The following METTL14 variants were observed in gnomAD, a reference collection of about 807,000 sequenced individuals.
METTL14 encodes N(6)-adenosine-methyltransferase non-catalytic subunit METTL14.
METTL14 carries 32 observed loss-of-function variants against 62.4 expected under a neutral mutation model. The observed-to-expected ratio is 0.51, with a 90% CI of 0.39 to 0.69. The LOEUF (loss-of-function observed/expected upper bound fraction) is 0.69. Among genes scored for constraint, METTL14 ranks in the 30% least tolerant of loss-of-function variants. The pLI is 0.00. For synonymous variants in METTL14, 150 were observed against 180.0 expected (o/e 0.83, Z 1.34); for missense variants, 340 against 551.9 (o/e 0.62, Z 3.85).
At chr4:118,696,900 T>A (rs1022815009) in intron 6 of METTL14, among the ~76,000 whole-genome samples, 12 of 152,140 alleles carry the variant, frequency 7.9e-5, no homozygotes, top group African/African-American at 2.9e-4. Context: ...GAATATATTC[T>A]GGGTGTACAT....
chr4:118,689,954 T>C (rs1263518822), intron 3 of METTL14, among the ~76,000 whole-genome samples: 2 of 148,914 alleles, frequency 1.3e-5, no homozygotes, highest in Non-Finnish European at 3.0e-5. Context: ...CTTATCTTAA[T>C]GCAAGAGTTA....
intron 10 of METTL14, among the ~76,000 whole-genome samples, chr4:118,707,907 C>A (rs148052703): frequency 2.0e-5 from 3 of 150,814 alleles, no homozygotes; most frequent in African/African-American, 7.3e-5. Flanking sequence ...GATCTTGGCT[C>A]ACTGCAACCC....
intron 6 of METTL14, 78 bp downstream of exon 6, chr4:118,694,604 T>C: frequency 9.5e-7 from 1 of 1,047,754 alleles, no homozygotes; most frequent in Non-Finnish European, 1.5e-6. Context: ...TAACCTTTTT[T>C]CTTCTTCCTA....
chr4:118,697,194 C>CT lies in METTL14; in HGVS notation c.516_517insT (p.Asp173Ter). ...TTTAATCAAATAGGTACTTACAAGC[C>CT]GATATAGAAGCCTTTGACATCAGAG... On this transcript the variant is annotated frameshift_variant, in exon 7 of 11. Transcript: ENST00000388822. LOFTEE classifies it high-confidence loss of function. 1.3e-6 allele frequency: 2 copies of CT among 1,597,170 alleles called. No individual in the cohort carries two copies. Among genetic ancestry groups the CT allele is most frequent in the Non-Finnish European group, 1.7e-6 (2 of 1,174,944 alleles).
At chr4:118,689,195 G>A (rs746033719) in intron 2 of METTL14, among the ~76,000 whole-genome samples, 175 bp from the exon 3 acceptor site, 57 of 152,080 alleles carry the variant, frequency 3.7e-4, no homozygotes, top group Non-Finnish European at 6.8e-4. Context: ...ATGAAACACA[G>A]AATTATCAAT....
At position 118,687,538 on chromosome 4, in the gene METTL14, G is replaced by C. The variant is rs1046560822; in HGVS notation, c.67-385G>C. 2.4e-4 allele frequency among the ~76,000 whole-genome samples: 36 copies of C among 152,198 alleles called. 1 individual carries two copies. The highest frequency in any genetic ancestry group is 1.3e-4 in the Non-Finnish European group (9 of 68,038). On this transcript the variant is annotated intron_variant, in intron 1 of 10. Transcript: ENST00000388822. Reference sequence around the variant, plus strand: ...AGGCTGCTCATTGACTTACGGTGGAGTTGTGTTCTGATAAACCCATCATAA... The same window carrying C: ...AGGCTGCTCATTGACTTACGGTGGACTTGTGTTCTGATAAACCCATCATAA...
intron 3 of METTL14, among the ~76,000 whole-genome samples, chr4:118,690,396 G>A (rs960283723): frequency 6.6e-6 from 1 of 151,806 alleles, no homozygotes; most frequent in African/African-American, 2.4e-5. Context: ...CATAAACCTT[G>A]GGCCCAGTGT....
At chr4:118,685,675 G>A in intron 1 of METTL14, 75 bp downstream of exon 1, 11 of 1,275,606 alleles carry the variant, frequency 8.6e-6, no homozygotes, top group Non-Finnish European at 1.1e-5. Context: ...TCCACACCCC[G>A]CCTTTTTCTG....
chr4:118,700,210 T>C (rs1285522099), intron 7 of METTL14, among the ~76,000 whole-genome samples: 1 of 152,146 alleles, frequency 6.6e-6, no homozygotes, highest in African/African-American at 2.4e-5. Flanking sequence ...CTTCATTCTT[T>C]TTCAGTAAAT....
intron 9 of METTL14, 29 bp downstream of exon 9, chr4:118,704,080 A>G (rs1286263344): frequency 1.3e-5 from 18 of 1,341,072 alleles, no homozygotes; most frequent in Non-Finnish European, 1.8e-5. Context: ...TGTTTTTTTT[A>G]ATTTTTGTGA....
chr4:118,713,569 G>C lies in METTL14; in HGVS notation c.*3267G>C, dbSNP rs1397897747. On this transcript the variant is annotated 3_prime_UTR_variant, in exon 11 of 11. Coordinates refer to ENST00000388822, the MANE Select transcript of METTL14 (RefSeq NM_020961.4). ...GGACTTAGTCTAAACAGTAGTCTTT[G>C]ATCTGAAAGTGTCTCATATTTTGTG... 6.6e-6 allele frequency: 1 copy of C among 152,166 alleles called. No homozygotes were observed. The highest frequency in any genetic ancestry group is 1.5e-5 in the Non-Finnish European group (1 of 68,024). 9.4% of individuals were successfully genotyped at this position (152,166 alleles called of 1,614,324 possible).
intron 1 of METTL14, among the ~76,000 whole-genome samples, chr4:118,686,957 C>T (rs1024531607): frequency 1.3e-5 from 2 of 152,092 alleles, no homozygotes; most frequent in Admixed American, 6.5e-5. Flanking sequence ...ATTTATGTTA[C>T]CATTTTAAGG....
At chr4:118,709,780 A>G (rs1252155846) in intron 10 of METTL14, among the ~76,000 whole-genome samples, 1 of 152,198 alleles carries the variant, frequency 6.6e-6, no homozygotes, top group East Asian at 1.9e-4. Flanking sequence ...TGAGGAGGAT[A>G]TATTACAAAA....
At chr4:118,699,963 G>A (rs1228103251) in intron 7 of METTL14, among the ~76,000 whole-genome samples, 1 of 151,730 alleles carries the variant, frequency 6.6e-6, no homozygotes, top group African/African-American at 2.4e-5. Context: ...TGGTCATTGT[G>A]TTTTACTTAA....
In METTL14 at chr4:118,687,894, A is replaced by G. The variant is rs567647539; in HGVS notation, c.67-29A>G. ...CAGAAAGGCTATCCAGTGCATTGCAATCTAATTTCTGATTTTGTCTTTTCT... is the reference window on the plus strand; with the variant it reads ...CAGAAAGGCTATCCAGTGCATTGCAGTCTAATTTCTGATTTTGTCTTTTCT... On this transcript the variant is annotated intron_variant, in intron 1 of 10. Coordinates refer to ENST00000388822, the MANE Select transcript of METTL14 (RefSeq NM_020961.4). 32 of 1,602,078 alleles carry G rather than the reference A, an allele frequency of 2.0e-5. No individual in the cohort carries two copies. The South Asian group carries it at 3.2e-4, about 16-fold the overall frequency.
chr4:118,710,056 A>G lies in METTL14; in HGVS notation c.1125A>G (p.Ala375=), dbSNP rs1415772311. 4 of 1,614,206 alleles carry G rather than the reference A, an allele frequency of 2.5e-6. No individual in the cohort carries two copies. Among genetic ancestry groups the G allele is most frequent in the East Asian group, 2.2e-5 (1 of 44,888 alleles). The stretch of plus-strand genomic sequence containing the variant: ...GCAACTACAATGCAGAAACATATGC[A>G]TCCTATTTCAGTGCTCCTAATTCCT... ...TNSNYNAETY[A]SYFSAPNSYL... Residue 375 remains alanine, a synonymous_variant, in exon 11 of 11, where the codon GCA becomes GCG. Transcript: ENST00000388822.
intron 9 of METTL14, among the ~76,000 whole-genome samples, 186 bp from the exon 10 acceptor site, chr4:118,705,425 G>C (rs1441200476): frequency 6.6e-6 from 1 of 152,206 alleles, no homozygotes; most frequent in African/African-American, 2.4e-5. Flanking sequence ...AGTGAGCTGA[G>C]ATCGTGCTAC....
At chr4:118,706,339 C>G (rs115545202) in intron 10 of METTL14, among the ~76,000 whole-genome samples, 1,753 of 152,292 alleles carry the variant, frequency 0.012, 31 homozygotes, top group African/African-American at 0.04. Context: ...TAGTTGGAAT[C>G]GTATAGTATG....
chr4:118,694,666 T>G, intron 6 of METTL14, 140 bp downstream of exon 6: 1 of 672,412 alleles, frequency 1.5e-6, no homozygotes, highest in Non-Finnish European at 2.5e-6. Flanking sequence ...TCTCTCTGCC[T>G]TTTTGTTTTT....
Sources: allele counts gnomAD v4.1 joint callset (sites outside exome capture counted in the v4.1 genomes callset), GRCh38; gene constraint gnomAD v4.1.1; transcripts MANE v1.5; gene names NCBI Gene and HGNC (gene_info 2026-07-23, HGNC 2026-07-21).